Variants in HS6ST3 observed in about 807,000 individuals in gnomAD.
The protein encoded by HS6ST3 is heparan-sulfate 6-O-sulfotransferase 3.
In HS6ST3, 12 loss-of-function variants were observed where a neutral mutation model predicts 36.7. The ratio of observed to expected loss-of-function variants is 0.33; its 90% CI spans 0.21 to 0.53. The LOEUF (loss-of-function observed/expected upper bound fraction) is 0.53. Ranked by LOEUF, HS6ST3 falls within the 20% of genes least tolerant of loss-of-function variation. HS6ST3 has a pLI of 0.95. For missense variants in HS6ST3, 584 were observed against 640.9 expected, an observed-to-expected ratio of 0.91 and a Z score of 0.96; for synonymous variants, 240 against 257.5, an observed-to-expected ratio of 0.93 and a Z score of 0.65.
intron 1 of HS6ST3, among the ~76,000 whole-genome samples, chr13:96,806,583 A>G (rs1031006907): frequency 6.6e-6 from 1 of 152,198 alleles, no homozygotes; most frequent in African/African-American, 2.4e-5. Context: ...TGTCACAATA[A>G]TCTGCTTGGG....
chr13:96,654,481 C>T (rs2056618019), intron 1 of HS6ST3, among the ~76,000 whole-genome samples: 1 of 152,232 alleles, frequency 6.6e-6, no homozygotes, highest in Middle Eastern at 3.4e-3. Flanking sequence ...TTCCCCATTG[C>T]TTGTTTTTGT....
chr13:96,590,534 T>G (rs1360420421), intron 1 of HS6ST3, among the ~76,000 whole-genome samples: 1 of 152,092 alleles, frequency 6.6e-6, no homozygotes, highest in African/African-American at 2.4e-5. Context: ...TAAATTGGAT[T>G]ATTAGATTTT....
chr13:96,717,647 T>C (rs1260651147), intron 1 of HS6ST3, among the ~76,000 whole-genome samples: 1 of 152,220 alleles, frequency 6.6e-6, no homozygotes, highest in African/African-American at 2.4e-5. Flanking sequence ...ATTTTATTTA[T>C]TCCTCACAAC....
chr13:96,832,466 T>C (rs774549389), intron 1 of HS6ST3, 24 bp from the exon 2 acceptor site: 2 of 1,503,266 alleles, frequency 1.3e-6, no homozygotes, highest in South Asian at 1.3e-5. Context: ...CAACTACTGA[T>C]GCTCTTCCTC....
chr13:96,249,022 C>T (rs1211189629), intron 1 of HS6ST3, among the ~76,000 whole-genome samples: 2 of 152,274 alleles, frequency 1.3e-5, no homozygotes, highest in East Asian at 1.9e-4. Context: ...CCATTTCCTC[C>T]TCCTGTCTTC....
chr13:96,617,086 T>C (rs538792962), intron 1 of HS6ST3, among the ~76,000 whole-genome samples: 2 of 152,344 alleles, frequency 1.3e-5, no homozygotes, highest in South Asian at 2.1e-4. Context: ...TTGTAGTATG[T>C]CATGGAGATA....
intron 1 of HS6ST3, among the ~76,000 whole-genome samples, chr13:96,784,585 T>G (rs1924596): frequency 0.12 from 17,681 of 152,184 alleles, 1,463 homozygotes; most frequent in African/African-American, 0.23. Context: ...GATTTCTATT[T>G]CAAACAACTA....
chr13:96,729,335 C>G (rs1876085390), intron 1 of HS6ST3, among the ~76,000 whole-genome samples: 1 of 152,124 alleles, frequency 6.6e-6, no homozygotes, highest in Non-Finnish European at 1.5e-5. Flanking sequence ...AAAGAGTCTA[C>G]CTTCAAAGGA....
At chr13:96,326,732 T>C (rs2055034018) in intron 1 of HS6ST3, among the ~76,000 whole-genome samples, 1 of 152,114 alleles carries the variant, frequency 6.6e-6, no homozygotes, top group Non-Finnish European at 1.5e-5. Context: ...TTTCTAGTTC[T>C]AGATCCCTGA....
intron 1 of HS6ST3, among the ~76,000 whole-genome samples, chr13:96,214,275 G>T (rs1203029889): frequency 3.3e-5 from 5 of 151,980 alleles, no homozygotes; most frequent in Admixed American, 2.6e-4. Context: ...TCTCATTTGG[G>T]GATATGGTGG....
At chr13:96,585,568 C>G (rs1039536254) in intron 1 of HS6ST3, among the ~76,000 whole-genome samples, 21 of 152,246 alleles carry the variant, frequency 1.4e-4, no homozygotes, top group African/African-American at 4.3e-4. Flanking sequence ...TTCCTCCTAA[C>G]TCACTGAAAT....
intron 1 of HS6ST3, among the ~76,000 whole-genome samples, chr13:96,123,600 A>C (rs1340984803): frequency 6.6e-6 from 1 of 152,170 alleles, no homozygotes; most frequent in Non-Finnish European, 1.5e-5. Context: ...GAGCAACACA[A>C]ATGTTAAGAA....
chr13:96,196,984 T>C (rs1268054977), intron 1 of HS6ST3, among the ~76,000 whole-genome samples: 1 of 152,234 alleles, frequency 6.6e-6, no homozygotes, highest in South Asian at 2.1e-4. Context: ...TTTATATTTC[T>C]GGCTCTGCCA....
At chr13:96,510,671 T>C (rs1160047536) in intron 1 of HS6ST3, among the ~76,000 whole-genome samples, 1 of 152,148 alleles carries the variant, frequency 6.6e-6, no homozygotes, top group African/African-American at 2.4e-5. Context: ...TTGTTCCTGC[T>C]CCTTAGTTCA....
At chr13:96,392,259 C>T (rs9516676) in intron 1 of HS6ST3, among the ~76,000 whole-genome samples, 125,307 of 151,816 alleles carry the variant, frequency 0.83, 52,071 homozygotes, top group Non-Finnish European at 0.87. Context: ...TTTGACCTGG[C>T]CACATTAAAT....
chr13:96,696,566 G>A (rs1186366798), intron 1 of HS6ST3, among the ~76,000 whole-genome samples: 1 of 152,198 alleles, frequency 6.6e-6, no homozygotes, highest in African/African-American at 2.4e-5. Context: ...GACCGGCCTG[G>A]CCGATCCCCA....
chr13:96,191,490 G>A (rs941421613), intron 1 of HS6ST3, among the ~76,000 whole-genome samples: 1 of 152,062 alleles, frequency 6.6e-6, no homozygotes, highest in Non-Finnish European at 1.5e-5. Flanking sequence ...TCCTGCACCT[G>A]GATAACTTCA....
chr13:96,787,449 A>G (rs1877678899), intron 1 of HS6ST3, among the ~76,000 whole-genome samples: 1 of 152,066 alleles, frequency 6.6e-6, no homozygotes, highest in Admixed American at 6.6e-5. Flanking sequence ...ATGTATGTAT[A>G]TATGTATTTA....
intron 1 of HS6ST3, among the ~76,000 whole-genome samples, chr13:96,177,876 A>T (rs923874282): frequency 3.3e-5 from 5 of 152,200 alleles, no homozygotes; most frequent in African/African-American, 1.2e-4. Flanking sequence ...GTCATAATGT[A>T]TGCTCCTTGT....
Sources: allele counts gnomAD v4.1 joint callset (sites outside exome capture counted in the v4.1 genomes callset), GRCh38; gene constraint gnomAD v4.1.1; transcripts MANE v1.5; gene names NCBI Gene and HGNC (gene_info 2026-07-23, HGNC 2026-07-21).